Variants in PUM2 observed in about 807,000 individuals in gnomAD.
The protein encoded by PUM2 is pumilio RNA binding family member 2, also known as pumilio homolog 2.
Under a neutral mutation model 124.5 loss-of-function variants are expected in PUM2, and 57 were observed. The ratio of observed to expected loss-of-function variants is 0.46; its 90% CI spans 0.37 to 0.57. The LOEUF is 0.57. PUM2 is among the 20% of genes least tolerant of loss of function. The pLI, the probability that PUM2 is intolerant of heterozygous loss-of-function variation, is 0.00. For missense variants in PUM2, 1,065 were observed against 1,290.6 expected, an observed-to-expected ratio of 0.83 and a Z score of 2.68; for synonymous variants, 460 against 446.1, an observed-to-expected ratio of 1.03 and a Z score of -0.39.
At chr2:20,309,359 G>A (rs1679085047) in intron 5 of PUM2, among the ~76,000 whole-genome samples, 1 of 148,794 alleles carries the variant, frequency 6.7e-6, no homozygotes, top group Non-Finnish European at 1.5e-5. Context: ...GAAACCATCA[G>A]AAAGAAATCG....
At chr2:20,309,321 C>T (rs2148558805) in intron 5 of PUM2, among the ~76,000 whole-genome samples, 1 of 151,968 alleles carries the variant, frequency 6.6e-6, no homozygotes, top group South Asian at 2.1e-4. Flanking sequence ...CTCCGAAGAC[C>T]ATGCTTATTA....
intron 9 of PUM2, 40 bp downstream of exon 9, chr2:20,294,336 C>A: frequency 6.3e-7 from 1 of 1,594,614 alleles, no homozygotes; most frequent in South Asian, 1.1e-5. Context: ...CAAAGAATTT[C>A]AAAGAATACT....
At chr2:20,340,140 G>A (rs547952051) in intron 1 of PUM2, among the ~76,000 whole-genome samples, 1 of 152,190 alleles carries the variant, frequency 6.6e-6, no homozygotes, top group South Asian at 2.1e-4. Context: ...AACAGGTTAG[G>A]GAAGGAACAA....
Position 20,265,249 on chromosome 2 carries a change from CA to C in PUM2, c.1958-1790del, listed in dbSNP as rs113132877. Among the ~76,000 whole-genome samples the C allele has an allele frequency of 7.7e-3, 596 of 77,576 alleles. 4 individuals are homozygous for C. Among genetic ancestry groups the C allele is most frequent in the African/African-American group, 0.019 (429 of 22,890 alleles). The allele number at this position is 77,576 out of a possible 152,430, so 50.9% of individuals were successfully genotyped here. On this transcript the variant is annotated intron_variant, in intron 13 of 20. Coordinates refer to ENST00000361078, the MANE Select transcript of PUM2 (RefSeq NM_015317.5). ...CCTGGGTGCCAGAGCGAAACCGTCA[CA>C]AAAAAAAAAAAAAAGGCATGTAATT... is the stretch of plus-strand genomic sequence containing the variant.
intron 1 of PUM2, among the ~76,000 whole-genome samples, chr2:20,331,132 A>G (rs978734712): frequency 9.4e-5 from 7 of 74,666 alleles, no homozygotes; most frequent in African/African-American, 2.6e-4. Context: ...TGGGGAGAGG[A>G]AAAAAAAAAA....
At chr2:20,258,663 T>C (rs1330717296) in intron 15 of PUM2, among the ~76,000 whole-genome samples, 1 of 142,654 alleles carries the variant, frequency 7.0e-6, no homozygotes, top group Admixed American at 7.0e-5. Context: ...TTTTTTTTTT[T>C]TTTTTTTTTT....
At chr2:20,285,107 A>C (rs1317204148) in intron 10 of PUM2, among the ~76,000 whole-genome samples, 1 of 152,254 alleles carries the variant, frequency 6.6e-6, no homozygotes, top group Non-Finnish European at 1.5e-5. Context: ...CACTCTACTG[A>C]CAAATCAAAC....
At chr2:20,350,000 ATAG>A (rs533055137) in intron 1 of PUM2, among the ~76,000 whole-genome samples, 56 of 152,376 alleles carry the variant, frequency 3.7e-4, no homozygotes, top group African/African-American at 1.2e-3. Flanking sequence ...TACTGCTCAA[ATAG>A]TAGAAGCCGC....
chr2:20,317,979 G>T (rs538506538), intron 3 of PUM2, among the ~76,000 whole-genome samples: 2 of 152,204 alleles, frequency 1.3e-5, no homozygotes, highest in South Asian at 4.1e-4. Flanking sequence ...TGCTATTATG[G>T]AATAATGCTG....
intron 15 of PUM2, among the ~76,000 whole-genome samples, 169 bp from the exon 16 acceptor site, chr2:20,258,540 TTTA>T (rs1665377424): frequency 6.6e-6 from 1 of 152,206 alleles, no homozygotes; most frequent in Admixed American, 6.5e-5. Flanking sequence ...ATAATAATTT[TTTA>T]TTACTTCTTT....
chr2:20,263,608 G>GA lies in PUM2; in HGVS notation c.1958-149dup, dbSNP rs1455331857. On this transcript the variant is annotated intron_variant, in intron 13 of 20. Coordinates refer to ENST00000361078, the MANE Select transcript of PUM2 (RefSeq NM_015317.5). ...TGACAGAAAATTAAAATTGGGAGGG[G>GA]AAAATCTCACCCATATACCTCATGT... 3.2e-6 allele frequency: 3 copies of GA among 933,850 alleles called. No homozygotes were observed. The African/African-American group carries it at 5.0e-5, about 16-fold the overall frequency. The allele number at this position is 933,850 out of a possible 1,614,324, so 57.8% of individuals were successfully genotyped here.
At chr2:20,338,320 C>G (rs1202081035) in intron 1 of PUM2, among the ~76,000 whole-genome samples, 1 of 152,120 alleles carries the variant, frequency 6.6e-6, no homozygotes, top group South Asian at 2.1e-4. Flanking sequence ...TCGCTTGAAC[C>G]CAGGAGGCGG....
intron 10 of PUM2, among the ~76,000 whole-genome samples, chr2:20,289,140 G>GA (rs1218094088): frequency 8.8e-5 from 13 of 147,286 alleles, no homozygotes; most frequent in Admixed American, 1.4e-4. Context: ...AAATACAAAA[G>GA]AAAAAAAAAA....
At chr2:20,272,154 C>CG (rs776221114) in intron 13 of PUM2, among the ~76,000 whole-genome samples, 255 of 110,688 alleles carry the variant, frequency 2.3e-3, no homozygotes, top group Non-Finnish European at 4.0e-3. Flanking sequence ...AAGACTTCGT[C>CG]AAATGAATGA....
chr2:20,265,144 C>T lies in PUM2; in HGVS notation c.1958-1684G>A, dbSNP rs562726173. On this transcript the variant is annotated intron_variant, in intron 13 of 20. Coordinates refer to ENST00000361078, the MANE Select transcript of PUM2 (RefSeq NM_015317.5). Reference sequence around the variant, plus strand: ...GCGTGCACCTGTAATCCCAGCTACTCAGGAGGCTGAGGCAGGAGAATCGCT... The same window carrying T: ...GCGTGCACCTGTAATCCCAGCTACTTAGGAGGCTGAGGCAGGAGAATCGCT... Among the ~76,000 whole-genome samples the T allele has an allele frequency of 1.6e-3, 246 of 151,626 alleles. 2 individuals are homozygous for T. The highest frequency in any genetic ancestry group is 5.8e-3 in the African/African-American group (241 of 41,272).
At chr2:20,323,520 C>A (rs918046143) in intron 2 of PUM2, among the ~76,000 whole-genome samples, 5 of 151,274 alleles carry the variant, frequency 3.3e-5, no homozygotes, top group Admixed American at 1.3e-4. Flanking sequence ...TCACTACCAA[C>A]AGTATGAATC....
Position 20,301,362 on chromosome 2 carries a change from T to C in PUM2, c.884-3684A>G, listed in dbSNP as rs536618452. Among the ~76,000 whole-genome samples the C allele has an allele frequency of 1.4e-3, 208 of 152,236 alleles. 2 individuals are homozygous for C. Among genetic ancestry groups the C allele is most frequent in the African/African-American group, 4.9e-3 (203 of 41,504 alleles). On this transcript the variant is annotated intron_variant, in intron 7 of 20. Coordinates refer to ENST00000361078, the MANE Select transcript of PUM2 (RefSeq NM_015317.5). ...CTTATACCACTAAAAAATCTAAAAG[T>C]TTAATTTAATATAGTTTTATGATAA...
chr2:20,278,516 T>C (rs1414255054), intron 13 of PUM2, 67 bp downstream of exon 13: 3 of 1,292,622 alleles, frequency 2.3e-6, no homozygotes, highest in Non-Finnish European at 1.1e-6. Context: ...ACATATATTA[T>C]AAACACACAC....
At position 20,263,368 on chromosome 2, in the gene PUM2, T is replaced by C. The variant is rs769794197; in HGVS notation, c.2050A>G (p.Ser684Gly). 2 of 1,614,182 alleles carry C rather than the reference T, an allele frequency of 1.2e-6. No homozygotes were observed. The highest frequency in any genetic ancestry group is 8.5e-7 in the Non-Finnish European group (1 of 1,179,982). Residue 684 changes from serine to glycine, a missense_variant, in exon 14 of 21, where the codon AGC becomes GGC. Ser to Gly is a moderately conservative substitution (Grantham distance 56, BLOSUM62 0). Coordinates refer to ENST00000361078, the MANE Select transcript of PUM2 (RefSeq NM_015317.5). ...RSASSTSSLF[S>G]SSSQLFPPSR... ...GGAGGAAAGAGCTGGCTGCTGGAGCTAAATAGACTGGAAGTGCTTGAAGCA... is the reference window on the plus strand; with the variant it reads ...GGAGGAAAGAGCTGGCTGCTGGAGCCAAATAGACTGGAAGTGCTTGAAGCA...
Sources: gnomAD v4.1 joint callset for allele counts (sites outside exome capture counted in the v4.1 genomes callset) on GRCh38, gnomAD v4.1.1 for gene constraint, MANE v1.5 for transcripts, NCBI Gene and HGNC (gene_info 2026-07-23, HGNC 2026-07-21) for gene names.